KMT2B: variants seen among roughly 807,000 people sequenced by gnomAD.
KMT2B encodes histone-lysine N-methyltransferase 2B.
In KMT2B, 22 loss-of-function variants were observed where a neutral mutation model predicts 255.3. The ratio of observed to expected loss-of-function variants is 0.09; its 90% confidence interval spans 0.06 to 0.12. KMT2B has a LOEUF of 0.12. Among genes scored for constraint, KMT2B ranks in the 10% least tolerant of loss-of-function variants. The pLI, the probability that KMT2B is intolerant of heterozygous loss-of-function variation, is 1.00. For missense variants in KMT2B, 3,149 were observed against 3,737.0 expected (o/e 0.84, Z 4.10); for synonymous variants, 1,730 against 1,498.1 (o/e 1.15, Z -3.57).
chr19:35,726,213 C>T (rs368919018), intron 13 of KMT2B, 23 bp from the exon 14 acceptor site: 2 of 1,591,580 alleles, frequency 1.3e-6, no homozygotes, highest in Non-Finnish European at 1.7e-6. Flanking sequence ...TGGTTTTCCC[C>T]TAACATCGCC....
Position 35,719,808 on chromosome 19 carries a change from G to T in KMT2B, c.461G>T (p.Arg154Leu). 2 of 1,603,028 alleles carry T rather than the reference G, an allele frequency of 1.2e-6. No homozygotes were observed. Among genetic ancestry groups the T allele is most frequent in the South Asian group, 1.1e-5 (1 of 90,020 alleles). ...GGTCGAGCGCCCCGAGGTCGGGGTC[G>T]CAAGCATAAGACGACCCCCCTTCCT... ...QRGRAPRGRG[R>L]KHKTTPLPPP... is the part of the protein sequence containing the mutation. Residue 154 changes from arginine (R) to leucine (L), a missense_variant, in exon 3 of 37, where the codon CGC becomes CTC. Around this residue, in one of 18 missense-constraint regions of KMT2B, gnomAD observed 1,188 missense variants for 1,106.4 expected, o/e 1.07. Coordinates refer to ENST00000420124, the MANE Select transcript of KMT2B (RefSeq NM_014727.3).
At position 35,733,932 on chromosome 19, in the gene KMT2B, CAG is replaced by C. The variant is rs1276700710; in HGVS notation, c.7159+62_7159+63del. The C allele has an allele frequency of 3.2e-6, 4 of 1,249,594 alleles. No homozygotes were observed. In the East Asian group the frequency reaches 7.1e-5, roughly 22 times the overall value. 77.4% of individuals were successfully genotyped at this position (1,249,594 alleles called of 1,614,324 possible). On this transcript the variant is annotated intron_variant, in intron 30 of 36. Transcript: ENST00000420124. The surrounding 1 kb of genome is among the most constrained non-coding windows in gnomAD (Gnocchi z 4.3). ...GTGCCTGGCTCAGCTGGGTGACTCA[CAG>C]ATGCAAAATCAGCCCTCTTTCAAAA...
Position 35,738,030 on chromosome 19 carries a change from CCCCT to C in KMT2B, c.7743-31_7743-28del. 1 of 1,613,674 alleles carries C rather than the reference CCCCT, an allele frequency of 6.2e-7. No homozygotes were observed. The highest frequency in any genetic ancestry group is 8.5e-7 in the Non-Finnish European group (1 of 1,179,758). On this transcript the variant is annotated intron_variant, in intron 35 of 36. Transcript: ENST00000420124. The surrounding 1 kb of genome is among the most constrained non-coding windows in gnomAD (Gnocchi z 8.7). ...TACTGTCTGGTTTCTGTCCCCCTCC[CCCCT>C]GAGTTCCCTGTTCATCCTGCCCTGC...
At position 35,726,353 on chromosome 19, in the gene KMT2B, G is replaced by GGTGGGGACCGGGCAGGGGAACTGGATGCT; in HGVS notation, c.4003+2_4003+30dup. 6.2e-7 allele frequency: 1 copy of GGTGGGGACCGGGCAGGGGAACTGGATGCT among 1,601,464 alleles called. No homozygotes were observed. Among genetic ancestry groups the GGTGGGGACCGGGCAGGGGAACTGGATGCT allele is most frequent in the Non-Finnish European group, 8.6e-7 (1 of 1,168,732 alleles). On this transcript the variant is annotated frameshift_variant and splice_region_variant. Transcript: ENST00000420124. LOFTEE classifies it high-confidence loss of function. ...CAGGTGCACCCAGCTATATGAGAAA[G>GGTGGGGACCGGGCAGGGGAACTGGATGCT]GTGGGGACCGGGCAGGGGAACTGGA...
chr19:35,723,658 T>A lies in KMT2B; in HGVS notation c.3059-74T>A. ...TCCTGCGTTCATTCCCTGCCCCGCT[T>A]CTTTCTGGCTTCTCTCCCAGTGTCC... On this transcript the variant is annotated intron_variant, in intron 7 of 36. Transcript: ENST00000420124. The surrounding 1 kb of genome is among the most constrained non-coding windows in gnomAD (Gnocchi z 7.5). 7.2e-7 allele frequency: 1 copy of A among 1,389,664 alleles called. No homozygotes were observed. Among genetic ancestry groups the A allele is most frequent in the Non-Finnish European group, 9.7e-7 (1 of 1,027,778 alleles). The allele number at this position is 1,389,664 out of a possible 1,614,324, so 86.1% of individuals were successfully genotyped here.
chr19:35,719,945 G>GCCCAGGCAC lies in KMT2B; in HGVS notation c.603_611dup (p.Gln204_Pro206dup). 1 of 1,613,400 alleles carries GCCCAGGCAC rather than the reference G, an allele frequency of 6.2e-7. No individual in the cohort carries two copies. ...GGCACTGACTGAACTTCTCCGGCGGGCCCAGGCACCCCAAGCACCCCGGAG... is the reference window on the plus strand; with the variant it reads ...GGCACTGACTGAACTTCTCCGGCGGGCCCAGGCACCCCAGGCACCCCAAGCACCCCGGAG... On this transcript the variant is annotated inframe_insertion, in exon 3 of 37. Transcript: ENST00000420124.
Position 35,731,001 on chromosome 19 carries a change from C to T in KMT2B, c.5437+134C>T, listed in dbSNP as rs1361843338. Reference sequence around the variant, plus strand: ...CAGTTGCTGTAATGTAACGGCAGCTCGCTTACTGCCATGCCTTGTGTGCCA... The same window carrying T: ...CAGTTGCTGTAATGTAACGGCAGCTTGCTTACTGCCATGCCTTGTGTGCCA... On this transcript the variant is annotated intron_variant, in intron 26 of 36. Transcript: ENST00000420124. 9.8e-6 allele frequency: 10 copies of T among 1,021,552 alleles called. No individual in the cohort carries two copies. In the East Asian group the frequency reaches 1.1e-4, roughly 11 times the overall value. 63.3% of individuals were successfully genotyped at this position (1,021,552 alleles called of 1,614,324 possible).
chr19:35,721,499 G>A lies in KMT2B; in HGVS notation c.2152G>A (p.Glu718Lys), dbSNP rs555495072. 2.2e-5 allele frequency: 35 copies of A among 1,612,320 alleles called. No individual in the cohort carries two copies. The Middle Eastern group carries it at 4.9e-4, about 23-fold the overall frequency. ...TGTGGTCACCACTCCTGTTAAGGCC[G>A]AGGTGTCCCCTCACGGGGCTCCAGC... Reference protein sequence around the residue: ...APVVTTPVKAEVSPHGAPALS... With the variant: ...APVVTTPVKAKVSPHGAPALS... Residue 718 changes from glutamate to lysine, a missense_variant, in exon 3 of 37, where the codon GAG (glutamate) becomes AAG (lysine). Physicochemically the swap from Glu to Lys is moderately conservative, Grantham distance 56. Transcript: ENST00000420124.
In KMT2B at chr19:35,733,025, C is replaced by T; in HGVS notation, c.6476C>T (p.Pro2159Leu). 6.3e-7 allele frequency: 1 copy of T among 1,592,572 alleles called. No individual in the cohort carries two copies. Among genetic ancestry groups the T allele is most frequent in the Non-Finnish European group, 8.5e-7 (1 of 1,169,848 alleles). ...GGCCTGACCGCCAGCCCAGCTGACC[C>T]CACCCGCACATTTGCCTGGCTCCCA... is the stretch of plus-strand genomic sequence containing the variant. ...SQGLTASPAD[P>L]TRTFAWLPGA... Residue 2159 changes from proline to leucine, a missense_variant, in exon 28 of 37, where the codon CCC becomes CTC. By Grantham distance (98) the Pro-to-Leu change is moderately conservative (BLOSUM62 -3). Transcript: ENST00000420124. This position sits in a 1 kb window ranked among gnomAD's most constrained non-coding sequence, Gnocchi z 4.3.
chr19:35,736,731 G>C lies in KMT2B; in HGVS notation c.7201G>C (p.Asp2401His). Residue 2401 changes from aspartate (D) to histidine (H), a missense_variant, in exon 31 of 37, where the codon GAT becomes CAT. Transcript: ENST00000420124. Reference sequence around the variant, plus strand: ...TGAGGAAGAGCCTCCATCCCCAGATGATAAAGAGAACCAGGCCCCAAAACG... The same window carrying C: ...TGAGGAAGAGCCTCCATCCCCAGATCATAAAGAGAACCAGGCCCCAAAACG... ...SSEEEPPSPD[D>H]KENQAPKRTG... 6.2e-7 allele frequency: 1 copy of C among 1,613,974 alleles called. No homozygotes were observed. The highest frequency in any genetic ancestry group is 8.5e-7 in the Non-Finnish European group (1 of 1,179,870).
In KMT2B at chr19:35,730,760, G is replaced by A; in HGVS notation, c.5330G>A (p.Arg1777Gln). The A allele has an allele frequency of 3.7e-6, 6 of 1,613,848 alleles. No individual in the cohort carries two copies. The highest frequency in any genetic ancestry group is 1.1e-5 in the South Asian group (1 of 91,086). The change falls in exon 26 of 37, where the codon CGG becomes CAG. Residue 1777 changes from arginine to glutamine, a missense_variant. Physicochemically the swap from Arg to Gln is conservative, Grantham distance 43 (BLOSUM62 1). This residue lies in a region of KMT2B where 34 missense variants were observed against 51.6 expected (regional missense o/e 0.66). Transcript: ENST00000420124. ...TVDARRRCWY[R>Q]CRILEYRPWG... ...GATGCTCGGAGGCGCTGCTGGTATC[G>A]GTGCCGAATTCTGGAGTATCGGCCA...
chr19:35,730,260 C>G, intron 23 of KMT2B, 82 bp from the exon 24 acceptor site: 1 of 1,599,204 alleles, frequency 6.3e-7, no homozygotes, highest in South Asian at 1.1e-5. Flanking sequence ...GCCTTTAGGC[C>G]AAGCCCCTGA....
rs1969638450 is a variant in KMT2B at position 35,730,234 on chromosome 19, A to T, written c.5077-108A>T. ...CCCTACTGCCTCTCAGTGTCTCCTC[A>T]TCTGTTTTCCCAGAGGCCTTTAGGC... On this transcript the variant is annotated intron_variant, in intron 23 of 36. Coordinates refer to ENST00000420124, the MANE Select transcript of KMT2B (RefSeq NM_014727.3). 5.0e-6 allele frequency: 8 copies of T among 1,595,292 alleles called. No individual in the cohort carries two copies. In the Admixed American group the frequency reaches 1.0e-4, roughly 20 times the overall value.
rs368734107 is a variant in KMT2B at position 35,732,053 on chromosome 19, G to A, written c.5583G>A (p.Ser1861=). 1.3e-5 allele frequency: 21 copies of A among 1,611,630 alleles called. No individual in the cohort carries two copies. Among genetic ancestry groups the A allele is most frequent in the East Asian group, 8.9e-5 (4 of 44,738 alleles). The change falls in exon 27 of 37, where the codon TCG becomes TCA. Residue 1861 remains serine (S), a synonymous_variant. Transcript: ENST00000420124. ...SAPPPAPRSF[S]GARIKVPNYS... ...CTCCTCCAGCCCCCCGTTCTTTTTC[G>A]GGGGCTCGAATCAAAGTGCCCAACT...
chr19:35,728,296 G>C, intron 19 of KMT2B, 125 bp downstream of exon 19: 1 of 817,694 alleles, frequency 1.2e-6, no homozygotes, highest in Non-Finnish European at 2.0e-6. Context: ...GGAGAGGAGG[G>C]TGGTGGAACC....
rs370350444 is a variant in KMT2B at position 35,730,350 on chromosome 19, G to A, written c.5085G>A (p.Val1695=). The change falls in exon 24 of 37, where the codon GTG becomes GTA. Residue 1695 remains valine, a synonymous_variant. Coordinates refer to ENST00000420124, the MANE Select transcript of KMT2B (RefSeq NM_014727.3). ...GCCACCCCCTCTTCCAGGAAATTGT[G>A]AACCCCGATGGTTTTGATGTTCTCC... ...HTDLLDGKEI[V]NPDGFDVLRR... is the part of the protein sequence containing the mutation. 1 of 1,610,786 alleles carries A rather than the reference G, an allele frequency of 6.2e-7. No homozygotes were observed. The highest frequency in any genetic ancestry group is 8.5e-7 in the Non-Finnish European group (1 of 1,177,266).
In KMT2B at chr19:35,737,354, C is replaced by A; in HGVS notation, c.7550+91C>A. On this transcript the variant is annotated intron_variant, in intron 33 of 36. Transcript: ENST00000420124. This position sits in a 1 kb window ranked among gnomAD's most constrained non-coding sequence, Gnocchi z 5.3. ...TAACTGTAGAGGTTGGAAACTGAGGCCTGGGGAGGAGACACTAGGTCACTT... is the reference window on the plus strand; with the variant it reads ...TAACTGTAGAGGTTGGAAACTGAGGACTGGGGAGGAGACACTAGGTCACTT... 2 of 1,305,084 alleles carry A rather than the reference C, an allele frequency of 1.5e-6. No homozygotes were observed. Among genetic ancestry groups the A allele is most frequent in the Non-Finnish European group, 2.0e-6 (2 of 979,274 alleles). 80.8% of individuals were successfully genotyped at this position (1,305,084 alleles called of 1,614,324 possible).
Position 35,719,932 on chromosome 19 carries a change from ACTT to A in KMT2B, c.588_590del (p.Leu197del). The A allele has an allele frequency of 2.5e-6, 4 of 1,613,084 alleles. No homozygotes were observed. In the South Asian group the frequency reaches 3.3e-5, roughly 13 times the overall value. On this transcript the variant is annotated inframe_deletion, in exon 3 of 37. Transcript: ENST00000420124. ...AACGGATGGTGCAGGCACTGACTGA[ACTT>A]CTCCGGCGGGCCCAGGCACCCCAAG...
In KMT2B at chr19:35,726,300, A is replaced by G; in HGVS notation, c.3950A>G (p.Glu1317Gly). The part of the protein sequence containing the change: ...GATPGKNWDV[E>G]WSGDYSLCPR... ...ACTCCAGGCAAGAACTGGGACGTCG[A>G]GTGGTCTGGAGATTACAGCCTCTGC... The change falls in exon 14 of 37, where the codon GAG becomes GGG. Residue 1317 changes from glutamate (E) to glycine (G), a missense_variant. By Grantham distance (98) the Glu-to-Gly change is moderately conservative. This residue lies in a region of KMT2B where 377 missense variants were observed against 471.0 expected (regional missense o/e 0.80). Transcript: ENST00000420124. 6.2e-7 allele frequency: 1 copy of G among 1,613,840 alleles called. No homozygotes were observed. Among genetic ancestry groups the G allele is most frequent in the Non-Finnish European group, 8.5e-7 (1 of 1,179,868 alleles).
Sources: allele counts gnomAD v4.1 joint callset, GRCh38; gene constraint gnomAD v4.1.1; regional missense constraint gnomAD v4.1.1; non-coding constraint Gnocchi (gnomAD v3.1); transcripts MANE v1.5; gene names NCBI Gene and HGNC (gene_info 2026-07-23, HGNC 2026-07-21).